Variants in ENKUR observed in about 807,000 individuals in gnomAD.
The protein encoded by ENKUR is enkurin, TRPC channel interacting protein, also known as enkurin.
ENKUR carries 19 observed loss-of-function variants against 27.6 expected under a neutral mutation model. That is an observed-to-expected ratio of 0.69 (90% confidence interval 0.48 to 1.01). The LOEUF (loss-of-function observed/expected upper bound fraction) is 1.01, where lower values mean the gene tolerates loss of function less well. ENKUR is among the 50% of genes least tolerant of loss of function. ENKUR has a pLI of 0.00. For synonymous variants in ENKUR, 117 were observed against 96.9 expected, an observed-to-expected ratio of 1.21 and a Z score of -1.22; for missense variants, 312 against 310.5, an observed-to-expected ratio of 1.00 and a Z score of -0.04.
chr10:24,993,406 TCA>T (rs1027496105), intron 3 of ENKUR, among the ~76,000 whole-genome samples: 41 of 152,356 alleles, frequency 2.7e-4, no homozygotes, highest in African/African-American at 9.4e-4. Flanking sequence ...TTGTTGGAAA[TCA>T]CAGTTACTAA....
chr10:25,024,160 A>G (rs1359570887), intron 2 of ENKUR: 1 of 1,614,070 alleles, frequency 6.2e-7, no homozygotes, highest in East Asian at 2.2e-5. Context: ...GTTGGGAGAA[A>G]TGATTGAAAC....
intron 1 of ENKUR, among the ~76,000 whole-genome samples, chr10:25,001,314 AC>A (rs570807852): frequency 5.9e-4 from 89 of 150,852 alleles, no homozygotes; most frequent in African/African-American, 2.1e-3. Flanking sequence ...GCTGTTTTAA[AC>A]TTTTTTTCTC....
chr10:25,018,659 GTTT>G (rs374289213), upstream of ENKUR, among the ~76,000 whole-genome samples: 14 of 93,714 alleles, frequency 1.5e-4, no homozygotes, highest in Admixed American at 2.5e-4. Flanking sequence ...AATGAGAGTT[GTTT>G]TTTTTTTTTT....
At chr10:25,017,377 A>G (rs1216793493), upstream of ENKUR, among the ~76,000 whole-genome samples, 1 of 152,104 alleles carries the variant, frequency 6.6e-6, no homozygotes, top group African/African-American at 2.4e-5. Flanking sequence ...GGGGAGGAAG[A>G]TGGATGCCTC....
intron 2 of ENKUR, among the ~76,000 whole-genome samples, chr10:25,046,940 T>C (rs1033291715): frequency 6.6e-6 from 1 of 152,184 alleles, no homozygotes; most frequent in Non-Finnish European, 1.5e-5. Flanking sequence ...CTATTTTATT[T>C]TATTTAGGTG....
upstream of ENKUR, among the ~76,000 whole-genome samples, chr10:25,018,275 AATT>A (rs1254053871): frequency 6.6e-6 from 1 of 152,170 alleles, no homozygotes; most frequent in African/African-American, 2.4e-5. Flanking sequence ...GTTTAAGCAA[AATT>A]ATTTCTAGTT....
intron 2 of ENKUR, 44 bp from the exon 3 acceptor site, chr10:24,995,913 C>G: frequency 1.4e-6 from 2 of 1,475,152 alleles, no homozygotes; most frequent in South Asian, 1.3e-5. Context: ...ACTACAAACA[C>G]TGCTACTCAG....
chr10:24,999,362 A>G (rs1252242120), intron 2 of ENKUR, 39 bp downstream of exon 2: 3 of 1,559,316 alleles, frequency 1.9e-6, no homozygotes, highest in Admixed American at 4.0e-5. Flanking sequence ...TCACCTGCTA[A>G]TGCTTTTAAT....
intron 1 of ENKUR, among the ~76,000 whole-genome samples, chr10:25,011,455 C>G (rs1354124192): frequency 1.3e-5 from 2 of 152,098 alleles, no homozygotes; most frequent in Non-Finnish European, 2.9e-5. Context: ...TAATTAGATA[C>G]AAACCTGAGA....
At chr10:25,033,758 A>G (rs1170015080) in intron 2 of ENKUR, among the ~76,000 whole-genome samples, 1 of 152,176 alleles carries the variant, frequency 6.6e-6, no homozygotes, top group Non-Finnish European at 1.5e-5. Flanking sequence ...AGATGCAGCC[A>G]TAGTGGAATT....
upstream of ENKUR, among the ~76,000 whole-genome samples, chr10:25,019,728 C>T (rs1326604660): frequency 6.6e-6 from 1 of 152,192 alleles, no homozygotes; most frequent in African/African-American, 2.4e-5. Context: ...CAATATCCCT[C>T]TCAATGCTTA....
Position 24,999,481 on chromosome 10 carries a change from G to C in ENKUR, c.143C>G (p.Thr48Ser). 6.2e-7 allele frequency: 1 copy of C among 1,613,180 alleles called. No homozygotes were observed. The highest frequency in any genetic ancestry group is 2.2e-5 in the East Asian group (1 of 44,774). The stretch of plus-strand genomic sequence containing the variant: ...TACTTCAACTTTTGCTGGTCCCATA[G>C]TTTTCATTGCAGTTTTAGCTTTTTG... ...DMQKAKTAMK[T>S]MGPAKVEVPS... is the part of the protein sequence containing the mutation. The change falls in exon 2 of 6, where the codon ACT (threonine) becomes AGT (serine). Residue 48 changes from threonine to serine, a missense_variant. Thr to Ser is a moderately conservative substitution (Grantham distance 58). Transcript: ENST00000331161.
chr10:25,022,014 C>T (rs1293180892), intron 2 of ENKUR: 1 of 152,042 alleles, frequency 6.6e-6, no homozygotes, highest in Non-Finnish European at 1.5e-5. Flanking sequence ...GTTTTCAGAA[C>T]ATATTTTAAC....
chr10:25,021,285 T>C (rs1174329510), intron 2 of ENKUR, among the ~76,000 whole-genome samples: 1 of 152,228 alleles, frequency 6.6e-6, no homozygotes, highest in Non-Finnish European at 1.5e-5. Context: ...TATCTTTTTG[T>C]GGCAAGAGTT....
intron 2 of ENKUR, among the ~76,000 whole-genome samples, chr10:25,049,109 C>T (rs1851154630): frequency 6.6e-6 from 1 of 152,180 alleles, no homozygotes; most frequent in Non-Finnish European, 1.5e-5. Context: ...AACCTCTTCA[C>T]TTTTCATCTG....
intron 4 of ENKUR, among the ~76,000 whole-genome samples, chr10:24,985,808 C>T (rs550918365): frequency 6.6e-6 from 1 of 152,148 alleles, no homozygotes; most frequent in East Asian, 1.9e-4. Flanking sequence ...AAAAGCAAAA[C>T]AGAAAGTGCA....
At position 25,043,093 on chromosome 10, in the gene ENKUR, C is replaced by T. The variant is rs139170540; in HGVS notation, c.37+18019G>A. Reference sequence around the variant, plus strand: ...TGAAGTATTAAGGGAGAACAAGGCACCAAAATTAGGTTTGAAAATTTGAGA... The same window carrying T: ...TGAAGTATTAAGGGAGAACAAGGCATCAAAATTAGGTTTGAAAATTTGAGA... On this transcript the variant is annotated intron_variant, in intron 2 of 5. Transcript: ENST00000615958. 3.9e-5 allele frequency among the ~76,000 whole-genome samples: 6 copies of T among 152,074 alleles called. No individual in the cohort carries two copies. In the East Asian group the frequency reaches 1.2e-3, roughly 29 times the overall value.
intron 1 of ENKUR, among the ~76,000 whole-genome samples, chr10:25,011,978 G>A (rs1053363593): frequency 6.6e-6 from 1 of 152,202 alleles, no homozygotes; most frequent in Non-Finnish European, 1.5e-5. Flanking sequence ...ATGGTTTCAT[G>A]GGCTGGGCCC....
chr10:24,993,544 G>A (rs1015362722), intron 3 of ENKUR, among the ~76,000 whole-genome samples: 3 of 152,196 alleles, frequency 2.0e-5, no homozygotes, highest in Non-Finnish European at 4.4e-5. Flanking sequence ...TTCACTTGGA[G>A]CTGAAATGGG....
Sources: allele counts gnomAD v4.1 joint callset (sites outside exome capture counted in the v4.1 genomes callset), GRCh38; gene constraint gnomAD v4.1.1; transcripts MANE v1.5; gene names NCBI Gene and HGNC (gene_info 2026-07-23, HGNC 2026-07-21).